Variants in TMEM61 observed in about 807,000 individuals in gnomAD.
The protein encoded by TMEM61 is transmembrane protein 61.
In TMEM61, 13 loss-of-function variants were observed where a neutral mutation model predicts 12.0. The observed-to-expected ratio is 1.08, with a 90% confidence interval of 0.70 to 1.72. The LOEUF is 1.72. Ranked by LOEUF, TMEM61 falls within the 40% of genes most tolerant of loss-of-function variation. The pLI is 0.00. For missense variants in TMEM61, 249 were observed against 276.9 expected (o/e 0.90, Z 0.71); for synonymous variants, 109 against 121.4 (o/e 0.90, Z 0.67).
At position 54,986,290 on chromosome 1, in the gene TMEM61, G is replaced by A. The variant is rs1328876236; in HGVS notation, c.209G>A (p.Ser70Asn). ...CCCAGCCCCCTGCTCAGGTCCGTCA[G>A]CTTCGTCTGCTGCGGTGCAGGTGGC... ...EGPSPLLRSV[S>N]FVCCGAGGLL... The change falls in exon 2 of 3, where the codon AGC becomes AAC. Residue 70 changes from serine to asparagine, a missense_variant. Ser to Asn is a conservative substitution (Grantham distance 46). Coordinates refer to ENST00000371268, the MANE Select transcript of TMEM61 (RefSeq NM_182532.3). The A allele has an allele frequency of 6.2e-7, 1 of 1,613,892 alleles. No individual in the cohort carries two copies. Among genetic ancestry groups the A allele is most frequent in the Non-Finnish European group, 8.5e-7 (1 of 1,180,044 alleles).
intron 2 of TMEM61, among the ~76,000 whole-genome samples, chr1:54,987,334 T>A (rs1644267555): frequency 6.6e-6 from 1 of 151,880 alleles, no homozygotes; most frequent in Non-Finnish European, 1.5e-5. Flanking sequence ...AGGTATGGGG[T>A]TGGGGACAAA....
At chr1:54,984,821 G>T (rs1476865931) in intron 1 of TMEM61, among the ~76,000 whole-genome samples, 2 of 152,186 alleles carry the variant, frequency 1.3e-5, no homozygotes, top group African/African-American at 4.8e-5. Context: ...GCCTTGAGGG[G>T]AGCTAATGGG....
chr1:54,981,023 C>G lies in TMEM61; in HGVS notation c.-43C>G, dbSNP rs1183384359. On this transcript the variant is annotated 5_prime_UTR_variant, in exon 1 of 3. Transcript: ENST00000371268. Reference sequence around the variant, plus strand: ...CCACCACCACACCTTCACCTGCGCCCGGCTCCCTGCGCGCCTGGACAGCGC... The same window carrying G: ...CCACCACCACACCTTCACCTGCGCCGGGCTCCCTGCGCGCCTGGACAGCGC... 4 of 1,546,370 alleles carry G rather than the reference C, an allele frequency of 2.6e-6. No individual in the cohort carries two copies. Among genetic ancestry groups the G allele is most frequent in the Admixed American group, 2.0e-5 (1 of 51,148 alleles).
In TMEM61 at chr1:54,992,172, T is replaced by TG. The variant is rs2101640211; in HGVS notation, c.*72dup. 6.5e-7 allele frequency: 1 copy of TG among 1,545,108 alleles called. No individual in the cohort carries two copies. Among genetic ancestry groups the TG allele is most frequent in the Non-Finnish European group, 8.7e-7 (1 of 1,146,562 alleles). ...CTTCTCCAGAGTCTTATGCAGTGCC[T>TG]GGGACACAGTAGGCACTCAGCAAAC... On this transcript the variant is annotated 3_prime_UTR_variant, in exon 3 of 3. Transcript: ENST00000371268.
chr1:54,982,744 A>G lies in TMEM61; in HGVS notation c.15+1664A>G, dbSNP rs546177866. Among the ~76,000 whole-genome samples the G allele has an allele frequency of 7.9e-5, 12 of 152,342 alleles. No individual in the cohort carries two copies. The East Asian group carries it at 9.6e-4, about 12-fold the overall frequency. ...CAACTTTCTATATTAAAAAATACTG[A>G]TAGACCTAGCTGTACACACAGACAG... is the stretch of plus-strand genomic sequence containing the variant. On this transcript the variant is annotated intron_variant, in intron 1 of 2. Coordinates refer to ENST00000371268, the MANE Select transcript of TMEM61 (RefSeq NM_182532.3).
At chr1:54,982,736 A>G (rs1644231539) in intron 1 of TMEM61, among the ~76,000 whole-genome samples, 1 of 152,182 alleles carries the variant, frequency 6.6e-6, no homozygotes, top group South Asian at 2.1e-4. Context: ...CTATATTAAA[A>G]AATACTGATA....
chr1:54,992,002 G>A lies in TMEM61; in HGVS notation c.532G>A (p.Glu178Lys), dbSNP rs769018708. The change falls in exon 3 of 3, where the codon GAG becomes AAG. Residue 178 changes from glutamate to lysine, a missense_variant. Transcript: ENST00000371268. ...TQPAWPPPSY[E>K]SISLALDAVS... The stretch of plus-strand genomic sequence containing the variant: ...GCCCGCCTGGCCTCCACCCAGCTAT[G>A]AGAGCATCAGCCTTGCTCTTGATGC... The A allele has an allele frequency of 1.9e-6, 3 of 1,614,018 alleles. No individual in the cohort carries two copies. Among genetic ancestry groups the A allele is most frequent in the Non-Finnish European group, 2.5e-6 (3 of 1,180,042 alleles).
intron 1 of TMEM61, among the ~76,000 whole-genome samples, chr1:54,982,839 A>G (rs926033502): frequency 5.3e-5 from 8 of 152,184 alleles, no homozygotes; most frequent in African/African-American, 1.9e-4. Context: ...TCACCCTATT[A>G]TGGTCACCAA....
chr1:54,986,094 C>A lies in TMEM61; in HGVS notation c.16-3C>A. 1 of 1,578,788 alleles carries A rather than the reference C, an allele frequency of 6.3e-7. No homozygotes were observed. The highest frequency in any genetic ancestry group is 1.2e-5 in the South Asian group (1 of 85,522). ...CCTCTTCTCCCTCCTTCTCTGTGTC[C>A]AGATGTGTGACGGGAGCCACTTGGC... On this transcript the variant is annotated splice_region_variant and splice_polypyrimidine_tract_variant and intron_variant, in intron 1 of 2. Coordinates refer to ENST00000371268, the MANE Select transcript of TMEM61 (RefSeq NM_182532.3).
intron 2 of TMEM61, among the ~76,000 whole-genome samples, chr1:54,988,731 T>C (rs1644276353): frequency 6.6e-6 from 1 of 152,224 alleles, no homozygotes; most frequent in Non-Finnish European, 1.5e-5. Context: ...GTGCCTAATA[T>C]TGATTGAGCA....
rs1371806323 is a variant in TMEM61 at position 54,986,327 on chromosome 1, C to T, written c.246C>T (p.Leu82=). 2 of 1,613,960 alleles carry T rather than the reference C, an allele frequency of 1.2e-6. No individual in the cohort carries two copies. The highest frequency in any genetic ancestry group is 1.7e-6 in the Non-Finnish European group (2 of 1,180,052). ...VCCGAGGLLL[L]IGLLWSVKAS... ...GCGGTGCAGGTGGCCTGCTGCTGCT[C>T]ATTGGCCTGCTGTGGTCCGTCAAGG... The change falls in exon 2 of 3, where the codon CTC becomes CTT. Residue 82 remains leucine, a synonymous_variant. Transcript: ENST00000371268.
chr1:54,984,514 A>T (rs539633767), intron 1 of TMEM61, among the ~76,000 whole-genome samples: 1 of 152,294 alleles, frequency 6.6e-6, no homozygotes, highest in South Asian at 2.1e-4. Context: ...CCTCTCTCCC[A>T]GCTCTTCACA....
Position 54,992,270 on chromosome 1 carries a change from T to C in TMEM61, c.*167T>C. 1.2e-6 allele frequency: 1 copy of C among 818,574 alleles called. No individual in the cohort carries two copies. Among genetic ancestry groups the C allele is most frequent in the African/African-American group, 1.7e-5 (1 of 57,924 alleles). 50.7% of individuals were successfully genotyped at this position (818,574 alleles called of 1,614,324 possible). A position where few individuals can be genotyped will look rare whatever the true frequency, so the allele number is the denominator to read the frequency against. ...CACCCCAGAATTTAGTGGCTTAAAA[T>C]AAATCCCATTTTATTATGTCTCACG... On this transcript the variant is annotated 3_prime_UTR_variant, in exon 3 of 3. Coordinates refer to ENST00000371268, the MANE Select transcript of TMEM61 (RefSeq NM_182532.3).
At position 54,980,897 on chromosome 1, in the gene TMEM61, C is replaced by T; in HGVS notation, c.-169C>T. ...GACCTCGGTTTTGCGGGCTGGGGAGCAGGGCTCGGGGGCAGCGGCCAGGCC... is the reference window on the plus strand; with the variant it reads ...GACCTCGGTTTTGCGGGCTGGGGAGTAGGGCTCGGGGGCAGCGGCCAGGCC... On this transcript the variant is annotated 5_prime_UTR_variant, in exon 1 of 3. Coordinates refer to ENST00000371268, the MANE Select transcript of TMEM61 (RefSeq NM_182532.3). The T allele has an allele frequency of 1.6e-6, 1 of 631,946 alleles. No individual in the cohort carries two copies. Among genetic ancestry groups the T allele is most frequent in the Non-Finnish European group, 2.4e-6 (1 of 408,212 alleles). 39.1% of individuals were successfully genotyped at this position (631,946 alleles called of 1,614,324 possible).
intron 2 of TMEM61, among the ~76,000 whole-genome samples, chr1:54,991,073 C>T (rs1021851834): frequency 6.6e-5 from 10 of 152,210 alleles, no homozygotes; most frequent in African/African-American, 2.4e-4. Flanking sequence ...GGCATTGGAT[C>T]CCCAGAGATG....
At position 54,992,161 on chromosome 1, in the gene TMEM61, T is replaced by A. The variant is rs569903399; in HGVS notation, c.*58T>A. ...AAATGCCGTGCCTTCTCCAGAGTCT[T>A]ATGCAGTGCCTGGGACACAGTAGGC... On this transcript the variant is annotated 3_prime_UTR_variant, in exon 3 of 3. Coordinates refer to ENST00000371268, the MANE Select transcript of TMEM61 (RefSeq NM_182532.3). 3 of 1,569,232 alleles carry A rather than the reference T, an allele frequency of 1.9e-6. No homozygotes were observed. The highest frequency in any genetic ancestry group is 4.5e-5 in the East Asian group (2 of 44,598).
At chr1:54,991,087 C>T (rs2249468) in intron 2 of TMEM61, among the ~76,000 whole-genome samples, 122,171 of 152,204 alleles carry the variant, frequency 0.8, 49,211 homozygotes, top group Admixed American at 0.84. Flanking sequence ...AGAGATGACC[C>T]GCCAGGGCTC....
At chr1:54,983,271 G>A (rs768964906) in intron 1 of TMEM61, among the ~76,000 whole-genome samples, 1 of 151,714 alleles carries the variant, frequency 6.6e-6, no homozygotes, top group Non-Finnish European at 1.5e-5. Context: ...CCACCACCAC[G>A]CCTGGCTAAT....
rs1006247257 is a variant in TMEM61, at chr1:54,980,980, G to T, written c.-86G>T. The T allele has an allele frequency of 2.7e-5, 39 of 1,422,036 alleles. No homozygotes were observed. In the African/African-American group the frequency reaches 4.6e-4, roughly 17 times the overall value. The allele number at this position is 1,422,036 out of a possible 1,614,324, so 88.1% of individuals were successfully genotyped here. On this transcript the variant is annotated 5_prime_UTR_variant, in exon 1 of 3. Coordinates refer to ENST00000371268, the MANE Select transcript of TMEM61 (RefSeq NM_182532.3). Reference sequence around the variant, plus strand: ...CCCGAGGGTCGCCGCTGGTAGGGTCGCTCAGCCCTGGCGTCCTCCACCACC... The same window carrying T: ...CCCGAGGGTCGCCGCTGGTAGGGTCTCTCAGCCCTGGCGTCCTCCACCACC...
Sources: gnomAD v4.1 joint callset for allele counts (sites outside exome capture counted in the v4.1 genomes callset) on GRCh38, gnomAD v4.1.1 for gene constraint, MANE v1.5 for transcripts, NCBI Gene and HGNC (gene_info 2026-07-23, HGNC 2026-07-21) for gene names.